Variants in KCTD8 observed in about 807,000 individuals in gnomAD.
KCTD8 encodes the protein potassium channel tetramerization domain containing 8.
A neutral mutation model predicts 31.5 loss-of-function variants in KCTD8; 27 were observed. That is an observed-to-expected ratio of 0.86 (90% confidence interval 0.63 to 1.18). The LOEUF (loss-of-function observed/expected upper bound fraction) is 1.18. Among genes scored for constraint, KCTD8 ranks in the 50% most tolerant of loss-of-function variants. The pLI, the probability that KCTD8 is intolerant of heterozygous loss-of-function variation, is 0.00. For missense variants in KCTD8, 658 were observed against 647.7 expected (o/e 1.02, Z -0.17); for synonymous variants, 290 against 280.0 (o/e 1.04, Z -0.36).
Position 44,183,198 on chromosome 4 carries a change from G to A in KCTD8, c.962-7948C>T, listed in dbSNP as rs932517656. 6.6e-5 allele frequency among the ~76,000 whole-genome samples: 10 copies of A among 152,030 alleles called. No individual in the cohort carries two copies. In the East Asian group the frequency reaches 9.6e-4, roughly 15 times the overall value. On this transcript the variant is annotated intron_variant, in intron 1 of 1. Transcript: ENST00000360029. The stretch of plus-strand genomic sequence containing the variant: ...GAAATTAAAATAGAAATATCTAGTC[G>A]CATGGCTATGGTAAGAAGCAAATGA...
At chr4:44,235,552 T>TATATATATATATATATATAC (rs1715257043) in intron 1 of KCTD8, among the ~76,000 whole-genome samples, 1 of 89,096 alleles carries the variant, frequency 1.1e-5, no homozygotes, top group African/African-American at 5.1e-5. Context: ...TATATATATA[T>TATATATATATATATATATAC]ATATATATAT....
rs115004807 is a variant in KCTD8 at position 44,409,700 on chromosome 4, A to G, written c.961+37863T>C. On this transcript the variant is annotated intron_variant, in intron 1 of 1. Transcript: ENST00000360029. Reference sequence around the variant, plus strand: ...GAAAAATATGCTTAAGAATCTGCAGAAAAAAAAAGCATTAAAAAAAAGCTT... The same window carrying G: ...GAAAAATATGCTTAAGAATCTGCAGGAAAAAAAAGCATTAAAAAAAAGCTT... Among the ~76,000 whole-genome samples the G allele has an allele frequency of 9.7e-3, 1,432 of 147,430 alleles. 29 individuals are homozygous for G. The highest frequency in any genetic ancestry group is 0.036 in the African/African-American group (1,337 of 37,656).
At chr4:44,224,246 A>G (rs991259896) in intron 1 of KCTD8, among the ~76,000 whole-genome samples, 8 of 152,220 alleles carry the variant, frequency 5.3e-5, no homozygotes, top group Non-Finnish European at 8.8e-5. Flanking sequence ...AAAAGCCTCC[A>G]TTATATGACA....
At position 44,264,778 on chromosome 4, in the gene KCTD8, T is replaced by A. The variant is rs1716288919; in HGVS notation, c.962-89528A>T. Among the ~76,000 whole-genome samples the A allele has an allele frequency of 2.0e-5, 3 of 152,146 alleles. No homozygotes were observed. In the South Asian group the frequency reaches 6.2e-4, roughly 31 times the overall value. ...GGGTCCTACACCCATGGAGTCTTGC[T>A]GATTGCTAGCTAGCACAGCAGTCTG... On this transcript the variant is annotated intron_variant, in intron 1 of 1. Transcript: ENST00000360029.
intron 1 of KCTD8, among the ~76,000 whole-genome samples, chr4:44,412,671 T>C (rs1720990307): frequency 6.6e-6 from 1 of 152,172 alleles, no homozygotes; most frequent in Non-Finnish European, 1.5e-5. Context: ...ACAGACTTGA[T>C]AGGCAGACAC....
chr4:44,299,641 T>C (rs916305430), intron 1 of KCTD8, among the ~76,000 whole-genome samples: 13 of 151,320 alleles, frequency 8.6e-5, no homozygotes, highest in Non-Finnish European at 1.8e-4. Context: ...GGCAGGAGAA[T>C]TGCTTGAACC....
intron 1 of KCTD8, among the ~76,000 whole-genome samples, chr4:44,220,220 G>C (rs922666201): frequency 3.3e-5 from 5 of 152,310 alleles, no homozygotes; most frequent in Admixed American, 2.0e-4. Context: ...GTGGGGGATA[G>C]ACTATAGATA....
intron 1 of KCTD8, among the ~76,000 whole-genome samples, chr4:44,368,891 C>T (rs1719709206): frequency 6.6e-6 from 1 of 152,248 alleles, no homozygotes; most frequent in East Asian, 1.9e-4. Context: ...TGGCACATTT[C>T]GGTGTCTGCA....
At chr4:44,358,391 T>C (rs1473442131) in intron 1 of KCTD8, among the ~76,000 whole-genome samples, 1 of 152,180 alleles carries the variant, frequency 6.6e-6, no homozygotes, top group East Asian at 1.9e-4. Flanking sequence ...GAATGATTTA[T>C]AATCCTTTGG....
At chr4:44,339,676 T>A (rs1718845441) in intron 1 of KCTD8, among the ~76,000 whole-genome samples, 1 of 152,130 alleles carries the variant, frequency 6.6e-6, no homozygotes, top group African/African-American at 2.4e-5. Flanking sequence ...TTTATAACTT[T>A]CAACCAGCTT....
At chr4:44,382,234 A>G (rs1339967539) in intron 1 of KCTD8, among the ~76,000 whole-genome samples, 1 of 152,050 alleles carries the variant, frequency 6.6e-6, no homozygotes, top group Non-Finnish European at 1.5e-5. Context: ...GGCATCAACA[A>G]GATGAAGGAC....
chr4:44,436,624 T>A (rs74989564), intron 1 of KCTD8, among the ~76,000 whole-genome samples: 1 of 152,022 alleles, frequency 6.6e-6, no homozygotes, highest in Non-Finnish European at 1.5e-5. Flanking sequence ...TACTAAAGTA[T>A]GTAGGGGTGA....
intron 1 of KCTD8, among the ~76,000 whole-genome samples, chr4:44,364,255 A>AT (rs1452514214): frequency 6.6e-6 from 1 of 152,272 alleles, no homozygotes; most frequent in Admixed American, 6.5e-5. Flanking sequence ...AAAAAGCCTA[A>AT]TTTTTTAAAG....
intron 1 of KCTD8, among the ~76,000 whole-genome samples, chr4:44,400,056 A>G (rs1239139168): frequency 6.6e-6 from 1 of 152,222 alleles, no homozygotes; most frequent in Non-Finnish European, 1.5e-5. Flanking sequence ...TACTATTTGT[A>G]GTACATTTTC....
intron 1 of KCTD8, among the ~76,000 whole-genome samples, chr4:44,294,415 ATGGAAAAACATAT>A (rs1465078422): frequency 6.6e-6 from 1 of 152,218 alleles, no homozygotes; most frequent in Non-Finnish European, 1.5e-5. Context: ...TCTCATTGTA[ATGGAAAAACATAT>A]GTTTAAAAGA....
intron 1 of KCTD8, among the ~76,000 whole-genome samples, chr4:44,403,590 A>G (rs1720717510): frequency 6.6e-6 from 1 of 152,040 alleles, no homozygotes; most frequent in South Asian, 2.1e-4. Context: ...CTATCTTCAC[A>G]TGCATTTCCT....
intron 1 of KCTD8, among the ~76,000 whole-genome samples, chr4:44,433,034 T>C (rs991447407): frequency 2.6e-5 from 4 of 151,648 alleles, no homozygotes; most frequent in Non-Finnish European, 1.5e-5. Flanking sequence ...CACAGTTATC[T>C]TTCTCTCCAA....
intron 1 of KCTD8, among the ~76,000 whole-genome samples, chr4:44,381,941 C>A (rs1374294489): frequency 2.0e-5 from 3 of 151,924 alleles, no homozygotes; most frequent in African/African-American, 7.2e-5. Flanking sequence ...CCAGGTATTT[C>A]TTTCTAGCAA....
chr4:44,299,761 T>C (rs1717551635), intron 1 of KCTD8, among the ~76,000 whole-genome samples: 1 of 149,654 alleles, frequency 6.7e-6, no homozygotes, highest in Non-Finnish European at 1.5e-5. Context: ...GGTGATTTTT[T>C]TTTTCCTTTT....
Sources: gnomAD v4.1 joint callset for allele counts (sites outside exome capture counted in the v4.1 genomes callset) on GRCh38, gnomAD v4.1.1 for gene constraint, MANE v1.5 for transcripts, NCBI Gene and HGNC (gene_info 2026-07-23, HGNC 2026-07-21) for gene names.